The following YJU2 variants were observed in gnomAD, a reference collection of about 807,000 sequenced individuals.
YJU2 encodes YJU2 splicing factor homolog.
Under a neutral mutation model 39.6 loss-of-function variants are expected in YJU2, and 28 were observed. That is an observed-to-expected ratio of 0.71 (90% confidence interval 0.52 to 0.97). The LOEUF (loss-of-function observed/expected upper bound fraction) is 0.97. Ranked by LOEUF, YJU2 falls within the 50% of genes least tolerant of loss-of-function variation. YJU2 has a pLI of 0.00. For missense variants in YJU2, 328 were observed against 430.4 expected, an observed-to-expected ratio of 0.76 and a Z score of 2.11; for synonymous variants, 184 against 182.4, an observed-to-expected ratio of 1.01 and a Z score of -0.07.
intron 1 of YJU2, 95 bp from the exon 2 acceptor site, chr19:4,249,132 GA>G (rs1970954849): frequency 6.3e-6 from 5 of 796,676 alleles, no homozygotes; most frequent in Non-Finnish European, 1.0e-5. Flanking sequence ...TGGGCTTGGG[GA>G]CCCCCGACAC....
intron 5 of YJU2, among the ~76,000 whole-genome samples, chr19:4,259,301 G>T (rs1053173238): frequency 6.6e-6 from 1 of 151,806 alleles, no homozygotes. Context: ...GGATGGTCTC[G>T]ATCTCCTGAC....
At chr19:4,252,497 G>A (rs1489979603) in intron 3 of YJU2, among the ~76,000 whole-genome samples, 4 of 152,090 alleles carry the variant, frequency 2.6e-5, no homozygotes, top group African/African-American at 4.8e-5. Flanking sequence ...CCAGCTACTC[G>A]GGAGGCTGAG....
intron 5 of YJU2, among the ~76,000 whole-genome samples, chr19:4,260,064 G>A (rs975264704): frequency 4.6e-5 from 7 of 152,040 alleles, no homozygotes; most frequent in African/African-American, 1.7e-4. Flanking sequence ...ATCCAGACAG[G>A]CTGGTTCCGG....
intron 7 of YJU2, among the ~76,000 whole-genome samples, chr19:4,268,343 C>T (rs915898261): frequency 3.3e-5 from 5 of 152,206 alleles, no homozygotes; most frequent in Non-Finnish European, 7.3e-5. Flanking sequence ...TTCTTGGCAG[C>T]GCACGTTGCC....
At chr19:4,254,331 G>T (rs1366476276) in intron 3 of YJU2, 24 bp from the exon 4 acceptor site, 1 of 1,585,162 alleles carries the variant, frequency 6.3e-7, no homozygotes, top group Non-Finnish European at 8.7e-7. Context: ...TGTAGGAGCT[G>T]ATGTCTGTCT....
At chr19:4,253,465 C>T (rs983333567) in intron 3 of YJU2, among the ~76,000 whole-genome samples, 5 of 151,908 alleles carry the variant, frequency 3.3e-5, no homozygotes, top group African/African-American at 4.8e-5. Flanking sequence ...CCTGTAGTCC[C>T]AGCTACTCGG....
At position 4,261,910 on chromosome 19, in the gene YJU2, A is replaced by G. The variant is rs146486315; in HGVS notation, c.588-84A>G. The G allele has an allele frequency of 4.7e-4, 686 of 1,467,782 alleles. 6 individuals are homozygous for G. The Middle Eastern group carries it at 5.9e-3, about 13-fold the overall frequency. The allele number at this position is 1,467,782 out of a possible 1,614,324, so 90.9% of individuals were successfully genotyped here. ...GGCAGGAAGAGGTCTCCAGGCACCC[A>G]GGCCCCTCGCCACCCCAGCAGGTAC... is the stretch of plus-strand genomic sequence containing the variant. On this transcript the variant is annotated intron_variant, in intron 5 of 7. Coordinates refer to ENST00000262962, the MANE Select transcript of YJU2 (RefSeq NM_018074.6).
At chr19:4,252,627 A>G (rs1268436361) in intron 3 of YJU2, among the ~76,000 whole-genome samples, 1 of 151,816 alleles carries the variant, frequency 6.6e-6, no homozygotes, top group East Asian at 1.9e-4. Flanking sequence ...TAAATTAATA[A>G]TAATAATAAT....
chr19:4,256,327 T>G (rs1435122140), intron 4 of YJU2, among the ~76,000 whole-genome samples: 1 of 151,756 alleles, frequency 6.6e-6, no homozygotes. Flanking sequence ...TATCTATTCC[T>G]GGACCCACCC....
chr19:4,258,479 G>T lies in YJU2; in HGVS notation c.587+56G>T, dbSNP rs1007194011. On this transcript the variant is annotated intron_variant, in intron 5 of 7. Transcript: ENST00000262962. ...CCTCGCAGCCTCTGCCCCGGCAGGC[G>T]CTGCCTCTGCCCCAGACCCTTTCCC... 3.3e-6 allele frequency: 5 copies of T among 1,527,788 alleles called. No homozygotes were observed. In the South Asian group the frequency reaches 6.2e-5, roughly 19 times the overall value. 94.6% of individuals were successfully genotyped at this position (1,527,788 alleles called of 1,614,324 possible).
At chr19:4,264,386 C>T (rs1971099762) in intron 6 of YJU2, among the ~76,000 whole-genome samples, 1 of 151,564 alleles carries the variant, frequency 6.6e-6, no homozygotes, top group Non-Finnish European at 1.5e-5. Context: ...CAGCTCACTG[C>T]AGCCTGAACC....
chr19:4,262,255 G>T, intron 6 of YJU2, 141 bp downstream of exon 6: 1 of 860,172 alleles, frequency 1.2e-6, no homozygotes, highest in Non-Finnish European at 1.7e-6. Context: ...CTGGAGTGCA[G>T]TGGCACGATC....
chr19:4,264,130 C>T (rs936489227), intron 6 of YJU2, among the ~76,000 whole-genome samples: 13 of 150,332 alleles, frequency 8.6e-5, no homozygotes, highest in South Asian at 8.6e-4. Flanking sequence ...GGCGTGGTGG[C>T]GGGCGCCTGT....
In YJU2 at chr19:4,250,969, C is replaced by T. The variant is rs975955199; in HGVS notation, c.126-58C>T. On this transcript the variant is annotated intron_variant, in intron 2 of 7. Coordinates refer to ENST00000262962, the MANE Select transcript of YJU2 (RefSeq NM_018074.6). ...ATCTTGCAGGATGCCGCAGGGACAG[C>T]CTGCCAGTGGGAGCCAGCGTCCCAA... 4 of 1,581,388 alleles carry T rather than the reference C, an allele frequency of 2.5e-6. No individual in the cohort carries two copies. The African/African-American group carries it at 5.4e-5, about 21-fold the overall frequency.
Position 4,247,116 on chromosome 19 carries a change from C to T in YJU2, c.-31C>T, listed in dbSNP as rs767358402. 3 of 1,611,096 alleles carry T rather than the reference C, an allele frequency of 1.9e-6. No individual in the cohort carries two copies. Among genetic ancestry groups the T allele is most frequent in the East Asian group, 2.2e-5 (1 of 44,870 alleles). On this transcript the variant is annotated 5_prime_UTR_variant, in exon 1 of 8. Transcript: ENST00000262962. ...ATAATTACCCAGCCTAACCATTTCT[C>T]AGGTGCTTGCGAGGTGATCAGAAGG...
Position 4,268,711 on chromosome 19 carries a change from C to G in YJU2, c.*15C>G, listed in dbSNP as rs113901167. On this transcript the variant is annotated 3_prime_UTR_variant, in exon 8 of 8. Transcript: ENST00000262962. ...GCAGCAACTGAGCCCTCCCAGGACCCCCTCACGGGGTCAAAGTCACACGTC... is the reference window on the plus strand; with the variant it reads ...GCAGCAACTGAGCCCTCCCAGGACCGCCTCACGGGGTCAAAGTCACACGTC... 1 of 1,581,900 alleles carries G rather than the reference C, an allele frequency of 6.3e-7. No homozygotes were observed. Among genetic ancestry groups the G allele is most frequent in the Non-Finnish European group, 8.7e-7 (1 of 1,153,098 alleles).
At chr19:4,265,490 C>T (rs1372304687) in intron 6 of YJU2, among the ~76,000 whole-genome samples, 3 of 151,350 alleles carry the variant, frequency 2.0e-5, no homozygotes, top group African/African-American at 7.3e-5. Context: ...TGGTCTCAAA[C>T]TCCTATCCTC....
chr19:4,249,138 C>G, intron 1 of YJU2, 90 bp from the exon 2 acceptor site: 1 of 875,072 alleles, frequency 1.1e-6, no homozygotes. Context: ...TGGGGACCCC[C>G]GACACAGCTC....
At chr19:4,251,207 C>G in intron 3 of YJU2, 36 bp downstream of exon 3, 2 of 1,606,742 alleles carry the variant, frequency 1.2e-6, no homozygotes, top group Non-Finnish European at 1.7e-6. Flanking sequence ...GTCCCTCTCC[C>G]CCAGCACACC....
Sources: gnomAD v4.1 joint callset for allele counts (sites outside exome capture counted in the v4.1 genomes callset) on GRCh38, gnomAD v4.1.1 for gene constraint, MANE v1.5 for transcripts, NCBI Gene and HGNC (gene_info 2026-07-23, HGNC 2026-07-21) for gene names.